Variants in FHIP1A observed in about 807,000 individuals in gnomAD.
FHIP1A encodes the protein FHF complex subunit HOOK-interacting protein 1A.
FHIP1A carries 61 observed loss-of-function variants against 88.6 expected under a neutral mutation model. The observed-to-expected ratio is 0.69, with a 90% CI of 0.56 to 0.85. FHIP1A has a LOEUF of 0.85. Ranked by LOEUF, FHIP1A falls within the 40% of genes least tolerant of loss-of-function variation. The pLI is 0.00. For synonymous variants in FHIP1A, 478 were observed against 496.0 expected, an observed-to-expected ratio of 0.96 and a Z score of 0.48; for missense variants, 1,154 against 1,273.5, an observed-to-expected ratio of 0.91 and a Z score of 1.43.
In FHIP1A at chr4:151,613,596, C is replaced by T. The variant is rs1398994724; in HGVS notation, c.979-16106C>T. Among the ~76,000 whole-genome samples the T allele has an allele frequency of 3.9e-5, 6 of 152,114 alleles. No individual in the cohort carries two copies. The East Asian group carries it at 1.2e-3, about 29-fold the overall frequency. The stretch of plus-strand genomic sequence containing the variant: ...CAAAAAACTAGGTTACAAAAAAAAG[C>T]TTTTGTTACTCCATCAGTGAAATAT... On this transcript the variant is annotated intron_variant, in intron 7 of 13. Coordinates refer to ENST00000435205, the MANE Select transcript of FHIP1A (RefSeq NM_001109977.3).
intron 7 of FHIP1A, among the ~76,000 whole-genome samples, chr4:151,621,507 G>T (rs1330237688): frequency 7.5e-6 from 1 of 133,970 alleles, no homozygotes. Flanking sequence ...TTCCACTGCC[G>T]AATGATACAT....
At chr4:151,535,854 A>T (rs1036978679) in intron 3 of FHIP1A, among the ~76,000 whole-genome samples, 5 of 152,250 alleles carry the variant, frequency 3.3e-5, no homozygotes, top group African/African-American at 9.6e-5. Flanking sequence ...CATAGTGTGT[A>T]TGTACCACAT....
intron 3 of FHIP1A, among the ~76,000 whole-genome samples, chr4:151,518,727 A>G (rs1173048063): frequency 7.2e-6 from 1 of 138,680 alleles, no homozygotes; most frequent in African/African-American, 2.7e-5. Flanking sequence ...TGGTGCAATC[A>G]TGGCTCACTG....
At chr4:151,523,428 G>A (rs995145676) in intron 3 of FHIP1A, among the ~76,000 whole-genome samples, 1 of 152,136 alleles carries the variant, frequency 6.6e-6, no homozygotes, top group Admixed American at 6.5e-5. Context: ...CCCCTGGAGG[G>A]CTCCCCATAA....
chr4:151,614,928 T>A (rs185870879), intron 7 of FHIP1A, among the ~76,000 whole-genome samples: 2 of 152,336 alleles, frequency 1.3e-5, no homozygotes, highest in East Asian at 1.9e-4. Context: ...ATTTTAATAA[T>A]GAATTTCACC....
At chr4:151,572,866 A>T (rs1255532455) in intron 4 of FHIP1A, among the ~76,000 whole-genome samples, 1 of 152,188 alleles carries the variant, frequency 6.6e-6, no homozygotes, top group East Asian at 1.9e-4. Flanking sequence ...AGAGAGAAAC[A>T]CTTGTGTTTA....
rs961354256 is a variant in FHIP1A at position 151,650,272 on chromosome 4, C to T, written c.2231C>T (p.Ala744Val). The change falls in exon 11 of 14, where the codon GCC becomes GTC. Residue 744 changes from alanine to valine, a missense_variant. By Grantham distance (64) the Ala-to-Val change is moderately conservative (BLOSUM62 0). Coordinates refer to ENST00000435205, the MANE Select transcript of FHIP1A (RefSeq NM_001109977.3). ...GAGCACAGCTCTAACCTGACAGCCG[C>T]CCACCCGGAGAGCGAGGAGCTCATT... ...EAEHSSNLTA[A>V]HPESEELIAQ... 1.7e-4 allele frequency: 263 copies of T among 1,551,584 alleles called. No individual in the cohort carries two copies. The highest frequency in any genetic ancestry group is 2.2e-4 in the Non-Finnish European group (247 of 1,147,008).
chr4:151,503,852 C>T (rs892778952), intron 3 of FHIP1A, among the ~76,000 whole-genome samples: 1 of 152,168 alleles, frequency 6.6e-6, no homozygotes, highest in Non-Finnish European at 1.5e-5. Context: ...CAGATCTTAA[C>T]CTCAAATCCT....
rs188236871 is a variant in FHIP1A, at chr4:151,561,471, A to G, written c.-122-4667A>G. 2.8e-5 allele frequency among the ~76,000 whole-genome samples: 4 copies of G among 142,526 alleles called. No individual in the cohort carries two copies. The East Asian group carries it at 5.8e-4, about 21-fold the overall frequency. The allele number at this position is 142,526 out of a possible 152,430, so 93.5% of individuals were successfully genotyped here. Reference sequence around the variant, plus strand: ...GAGGATTTAGGTTTAATAGGATTTTATGAGGCTCTAAGAAGAGGTTGTCTG... The same window carrying G: ...GAGGATTTAGGTTTAATAGGATTTTGTGAGGCTCTAAGAAGAGGTTGTCTG... On this transcript the variant is annotated intron_variant, in intron 3 of 13. Coordinates refer to ENST00000435205, the MANE Select transcript of FHIP1A (RefSeq NM_001109977.3).
rs560661634 is a variant in FHIP1A, at chr4:151,545,409, G to A, written c.-122-20729G>A. Among the ~76,000 whole-genome samples the A allele has an allele frequency of 2.7e-3, 298 of 109,530 alleles. 2 individuals carry two copies. The highest frequency in any genetic ancestry group is 1.0e-2 in the African/African-American group (262 of 26,272). The allele number at this position is 109,530 out of a possible 152,430, so 71.9% of individuals were successfully genotyped here. A position where few individuals can be genotyped will look rare whatever the true frequency, so the allele number is the denominator to read the frequency against. On this transcript the variant is annotated intron_variant, in intron 3 of 13. Coordinates refer to ENST00000435205, the MANE Select transcript of FHIP1A (RefSeq NM_001109977.3). Reference sequence around the variant, plus strand: ...TTTTTTTTTTTTGAGACAGAGTCTCGCTCTATCTCCCAGGCTGGAATGCAA... The same window carrying A: ...TTTTTTTTTTTTGAGACAGAGTCTCACTCTATCTCCCAGGCTGGAATGCAA...
intron 8 of FHIP1A, among the ~76,000 whole-genome samples, chr4:151,632,413 A>G (rs1160846413): frequency 6.6e-6 from 1 of 152,012 alleles, no homozygotes; most frequent in Non-Finnish European, 1.5e-5. Context: ...CCCTACTTAA[A>G]TAGTGGATAA....
intron 3 of FHIP1A, among the ~76,000 whole-genome samples, chr4:151,531,507 T>C (rs1256782312): frequency 6.7e-6 from 1 of 149,538 alleles, no homozygotes; most frequent in Non-Finnish European, 1.5e-5. Context: ...TTTTCTTCTT[T>C]TTTTTTTTTG....
At chr4:151,433,697 A>G (rs1368597808) in intron 1 of FHIP1A, among the ~76,000 whole-genome samples, 1 of 152,064 alleles carries the variant, frequency 6.6e-6, no homozygotes, top group Non-Finnish European at 1.5e-5. Context: ...TGAGGTGGAA[A>G]CTTAGAAACA....
chr4:151,422,637 T>G (rs560609671), intron 1 of FHIP1A, among the ~76,000 whole-genome samples: 4 of 152,308 alleles, frequency 2.6e-5, no homozygotes, highest in Admixed American at 2.0e-4. Context: ...GTGATTCGCC[T>G]GCCTCAGCCT....
intron 8 of FHIP1A, among the ~76,000 whole-genome samples, chr4:151,633,902 G>A (rs1375972864): frequency 2.6e-5 from 4 of 151,804 alleles, no homozygotes; most frequent in Admixed American, 2.6e-4. Flanking sequence ...ACAAGGCAAG[G>A]ATGCCCACTT....
At chr4:151,455,528 G>T (rs1354744231) in intron 2 of FHIP1A, among the ~76,000 whole-genome samples, 4 of 152,206 alleles carry the variant, frequency 2.6e-5, no homozygotes, top group African/African-American at 9.6e-5. Flanking sequence ...AACCATGGAA[G>T]GACTAGGAGT....
chr4:151,471,347 A>C (rs1241380439), intron 2 of FHIP1A, among the ~76,000 whole-genome samples: 2 of 150,234 alleles, frequency 1.3e-5, no homozygotes, highest in African/African-American at 4.9e-5. Flanking sequence ...AAAAGAAAAA[A>C]CCACCAAAAC....
At chr4:151,516,647 G>A (rs1178136134) in intron 3 of FHIP1A, among the ~76,000 whole-genome samples, 1 of 152,128 alleles carries the variant, frequency 6.6e-6, no homozygotes, top group Non-Finnish European at 1.5e-5. Flanking sequence ...CAAAGGACAG[G>A]AACAGACACT....
intron 13 of FHIP1A, among the ~76,000 whole-genome samples, chr4:151,658,982 A>G (rs556847789): frequency 1.3e-5 from 2 of 152,306 alleles, no homozygotes; most frequent in South Asian, 4.1e-4. Context: ...TACTCAGGGT[A>G]CACTGAGCCT....
Sources: gnomAD v4.1 joint callset for allele counts (sites outside exome capture counted in the v4.1 genomes callset) on GRCh38, gnomAD v4.1.1 for gene constraint, MANE v1.5 for transcripts, NCBI Gene and HGNC (gene_info 2026-07-23, HGNC 2026-07-21) for gene names.